CTNNA2: variants seen among roughly 807,000 people sequenced by gnomAD.
The protein encoded by CTNNA2 is catenin alpha-2.
Under a neutral mutation model 101.0 loss-of-function variants are expected in CTNNA2, and 42 were observed. The observed-to-expected ratio is 0.42, with a 90% CI of 0.32 to 0.54. The LOEUF (loss-of-function observed/expected upper bound fraction) is 0.54. Among genes scored for constraint, CTNNA2 ranks in the 20% least tolerant of loss-of-function variants. The pLI, the probability that CTNNA2 is intolerant of heterozygous loss-of-function variation, is 0.14. For missense variants in CTNNA2, 871 were observed against 1,223.1 expected (o/e 0.71, Z 4.29); for synonymous variants, 450 against 456.4 (o/e 0.99, Z 0.18).
intron 17 of CTNNA2, among the ~76,000 whole-genome samples, chr2:80,614,043 A>G (rs1253299940): frequency 3.3e-5 from 5 of 151,568 alleles, no homozygotes. Flanking sequence ...GAGATGCTCT[A>G]ATTAAAAGAA....
At chr2:79,432,658 A>G (rs1678670653) in intron 4 of CTNNA2, among the ~76,000 whole-genome samples, 1 of 152,198 alleles carries the variant, frequency 6.6e-6, no homozygotes, top group African/African-American at 2.4e-5. Flanking sequence ...TTAAAGATCA[A>G]CTACCCCTCC....
intron 4 of CTNNA2, among the ~76,000 whole-genome samples, chr2:79,411,029 G>C (rs1440244317): frequency 6.6e-6 from 1 of 152,106 alleles, no homozygotes; most frequent in African/African-American, 2.4e-5. Flanking sequence ...TTTGTCTTGG[G>C]AGAGTGTACG....
At chr2:79,835,144 A>T (rs1336441335) in intron 3 of CTNNA2, among the ~76,000 whole-genome samples, 1 of 152,138 alleles carries the variant, frequency 6.6e-6, no homozygotes, top group African/African-American at 2.4e-5. Context: ...CTTATTATTT[A>T]TTGGCCCTCT....
At chr2:79,380,438 G>A (rs1256605172) in intron 4 of CTNNA2, among the ~76,000 whole-genome samples, 1 of 151,896 alleles carries the variant, frequency 6.6e-6, no homozygotes, top group Non-Finnish European at 1.5e-5. Flanking sequence ...AGCCAACTGG[G>A]CCCTAAAGAG....
chr2:79,337,052 CAGTT>C (rs1265470963), intron 3 of CTNNA2, among the ~76,000 whole-genome samples: 1 of 152,160 alleles, frequency 6.6e-6, no homozygotes, highest in African/African-American at 2.4e-5. Context: ...TTTTCTGTTT[CAGTT>C]AATCATAATT....
chr2:79,713,195 T>C (rs2104819099), intron 2 of CTNNA2, among the ~76,000 whole-genome samples: 1 of 152,346 alleles, frequency 6.6e-6, no homozygotes, highest in South Asian at 2.1e-4. Context: ...TTGGGTCAGA[T>C]TCTTGGTTCA....
At chr2:79,463,118 C>T (rs910910006) in intron 4 of CTNNA2, among the ~76,000 whole-genome samples, 1 of 152,074 alleles carries the variant, frequency 6.6e-6, no homozygotes, top group African/African-American at 2.4e-5. Flanking sequence ...AGGTATAATA[C>T]ATTCTGCTCT....
intron 3 of CTNNA2, among the ~76,000 whole-genome samples, chr2:79,328,286 G>T (rs1023831301): frequency 6.6e-6 from 1 of 152,158 alleles, no homozygotes; most frequent in Non-Finnish European, 1.5e-5. Flanking sequence ...TTTTCAAGGA[G>T]CAAAAGAGAG....
At chr2:79,615,765 G>T (rs965832472) in intron 1 of CTNNA2, among the ~76,000 whole-genome samples, 2 of 152,170 alleles carry the variant, frequency 1.3e-5, no homozygotes, top group East Asian at 3.9e-4. Context: ...CAGCACTGAT[G>T]AGTTCACCAA....
At chr2:80,078,207 C>T (rs918946992) in intron 7 of CTNNA2, among the ~76,000 whole-genome samples, 38 of 152,206 alleles carry the variant, frequency 2.5e-4, no homozygotes, top group African/African-American at 8.7e-4. Flanking sequence ...AACCACAGAA[C>T]GTTTGCAGTT....
chr2:80,595,646 ACTGT>A (rs549927289), intron 15 of CTNNA2, among the ~76,000 whole-genome samples: 214 of 152,260 alleles, frequency 1.4e-3, no homozygotes, highest in African/African-American at 4.8e-3. Flanking sequence ...AAACTGAAAC[ACTGT>A]TTGACAGTTT....
chr2:80,166,348 A>T (rs979935072), intron 7 of CTNNA2, among the ~76,000 whole-genome samples: 33 of 152,086 alleles, frequency 2.2e-4, no homozygotes, highest in African/African-American at 7.7e-4. Flanking sequence ...AGGACTGGAG[A>T]TTGACTCAGT....
rs1675038933 is a variant in CTNNA2, at chr2:79,269,797, G to T, written c.-405-42912G>T. ...GCCTGTTACTTGCCAGTTCCTAGAG[G>T]GCAAGAACTATATTTTCTTCATACT... On this transcript the variant is annotated intron_variant, in intron 2 of 21. Transcript: ENST00000466387. Among the ~76,000 whole-genome samples the T allele has an allele frequency of 2.0e-5, 3 of 152,048 alleles. No homozygotes were observed. In the South Asian group the frequency reaches 6.2e-4, roughly 32 times the overall value.
chr2:79,408,935 A>G (rs1028304822), intron 4 of CTNNA2, among the ~76,000 whole-genome samples: 10 of 134,160 alleles, frequency 7.5e-5, no homozygotes, highest in South Asian at 2.7e-4. Flanking sequence ...AAGTGTTCCT[A>G]TTTCTCCACA....
chr2:79,232,221 G>C (rs1674501945), intron 2 of CTNNA2, among the ~76,000 whole-genome samples: 1 of 151,876 alleles, frequency 6.6e-6, no homozygotes, highest in African/African-American at 2.4e-5. Flanking sequence ...ATTATTTTGA[G>C]GTATGTTTCT....
intron 4 of CTNNA2, among the ~76,000 whole-genome samples, chr2:79,400,558 C>T (rs1021654571): frequency 6.6e-6 from 1 of 151,958 alleles, no homozygotes; most frequent in East Asian, 1.9e-4. Context: ...AAGAAAAAAT[C>T]GGTTAACTTG....
At chr2:80,356,510 T>C (rs983838703) in intron 7 of CTNNA2, among the ~76,000 whole-genome samples, 3 of 152,018 alleles carry the variant, frequency 2.0e-5, no homozygotes, top group African/African-American at 7.3e-5. Context: ...TGTGTACCCA[T>C]GATAGGCCAG....
At chr2:80,103,943 A>G (rs993427788) in intron 7 of CTNNA2, among the ~76,000 whole-genome samples, 5 of 152,204 alleles carry the variant, frequency 3.3e-5, no homozygotes, top group African/African-American at 1.2e-4. Flanking sequence ...CATGTTGGCC[A>G]GGCTGGTCTG....
intron 3 of CTNNA2, among the ~76,000 whole-genome samples, chr2:79,363,046 T>C (rs1026154011): frequency 1.3e-5 from 2 of 152,234 alleles, no homozygotes; most frequent in African/African-American, 4.8e-5. Context: ...TGTGTGGTCT[T>C]GGGACTGTTA....
Sources: allele counts gnomAD v4.1 joint callset (sites outside exome capture counted in the v4.1 genomes callset), GRCh38; gene constraint gnomAD v4.1.1; transcripts MANE v1.5; gene names NCBI Gene and HGNC (gene_info 2026-07-23, HGNC 2026-07-21).